PCDHA1: variants seen among roughly 807,000 people sequenced by gnomAD.
PCDHA1 encodes the protein protocadherin alpha 1, also known as protocadherin alpha-1.
A neutral mutation model predicts 61.3 loss-of-function variants in PCDHA1; 42 were observed. That is an observed-to-expected ratio of 0.69 (90% CI 0.54 to 0.89). The LOEUF is 0.89. Among genes scored for constraint, PCDHA1 ranks in the 40% least tolerant of loss-of-function variants. PCDHA1 has a pLI of 0.00. For synonymous variants in PCDHA1, 610 were observed against 553.8 expected (o/e 1.10, Z -1.43); for missense variants, 1,256 against 1,235.3 (o/e 1.02, Z -0.25).
chr5:140,808,150 G>A, intron 1 of PCDHA1: 2 of 1,614,124 alleles, frequency 1.2e-6, no homozygotes, highest in Non-Finnish European at 1.7e-6. Flanking sequence ...TTATTGTAGA[G>A]GGCATTGATA....
chr5:140,788,089 A>T lies in PCDHA1; in HGVS notation c.1799A>T (p.Asp600Val). The stretch of plus-strand genomic sequence containing the variant: ...GCGAAGGTGCGCGCAGTGGACGCCG[A>T]CTCGGGCTACAACGCGTGGCTGTCC... ...VVAKVRAVDADSGYNAWLSYE... is the reference protein window; with the variant it reads ...VVAKVRAVDAVSGYNAWLSYE... The change falls in exon 1 of 4, where the codon GAC (aspartate) becomes GTC (valine). Residue 600 changes from aspartate (D) to valine (V), a missense_variant. Coordinates refer to ENST00000504120, the MANE Select transcript of PCDHA1 (RefSeq NM_018900.4). The T allele has an allele frequency of 6.2e-7, 1 of 1,613,778 alleles. No homozygotes were observed. Among genetic ancestry groups the T allele is most frequent in the Non-Finnish European group, 8.5e-7 (1 of 1,179,872 alleles).
chr5:140,937,869 G>C (rs1268422806), intron 1 of PCDHA1, among the ~76,000 whole-genome samples: 1 of 150,376 alleles, frequency 6.6e-6, no homozygotes, highest in South Asian at 2.1e-4. Context: ...CCGAGATCGC[G>C]CCACTGCACT....
chr5:140,947,975 A>C lies in PCDHA1; in HGVS notation c.2395-30974A>C, dbSNP rs572156919. ...TTTTACAATTAAGTATGTGCTACTC[A>C]TAGGTTTTTCCCAAATACTTTATTA... On this transcript the variant is annotated intron_variant, in intron 1 of 3. Transcript: ENST00000504120. Among the ~76,000 whole-genome samples the C allele has an allele frequency of 2.7e-5, 4 of 150,726 alleles. No individual in the cohort carries two copies. In the East Asian group the frequency reaches 7.8e-4, roughly 29 times the overall value.
chr5:140,809,352 G>C, intron 1 of PCDHA1: 2 of 1,614,018 alleles, frequency 1.2e-6, no homozygotes, highest in Non-Finnish European at 1.7e-6. Context: ...ACCGCGCTGC[G>C]GTGCTCTGCG....
intron 1 of PCDHA1, among the ~76,000 whole-genome samples, chr5:140,826,241 T>C (rs958846502): frequency 1.3e-5 from 2 of 152,242 alleles, no homozygotes; most frequent in Non-Finnish European, 2.9e-5. Context: ...ACTATTTATA[T>C]ATCTCTTTAT....
chr5:140,918,786 A>T (rs2078853629), intron 1 of PCDHA1, among the ~76,000 whole-genome samples: 1 of 147,002 alleles, frequency 6.8e-6, no homozygotes, highest in African/African-American at 2.6e-5. Context: ...ATGTGAGGAC[A>T]CAGCAAAAAT....
chr5:140,843,859 T>C lies in PCDHA1; in HGVS notation c.2394+55175T>C, dbSNP rs1779121343. ...GTTTTTAGAAACCTTTTATAATTAA[T>C]TGAATTTTCTCAGTGGCATAATACA... On this transcript the variant is annotated intron_variant, in intron 1 of 3. Coordinates refer to ENST00000504120, the MANE Select transcript of PCDHA1 (RefSeq NM_018900.4). 13 of 919,578 alleles carry C rather than the reference T, an allele frequency of 1.4e-5. No individual in the cohort carries two copies. The East Asian group carries it at 3.1e-4, about 22-fold the overall frequency. The allele number at this position is 919,578 out of a possible 1,614,324, so 57.0% of individuals were successfully genotyped here. A position where few individuals can be genotyped will look rare whatever the true frequency, so the allele number is the denominator to read the frequency against.
chr5:140,986,195 A>C (rs1200850544), intron 3 of PCDHA1, among the ~76,000 whole-genome samples: 1 of 152,196 alleles, frequency 6.6e-6, no homozygotes, highest in African/African-American at 2.4e-5. Context: ...TAAATTGGTT[A>C]ATCCTGATTA....
intron 1 of PCDHA1, among the ~76,000 whole-genome samples, chr5:140,932,539 AT>A (rs782246299): frequency 3.3e-5 from 5 of 152,008 alleles, no homozygotes; most frequent in Admixed American, 2.0e-4. Context: ...AAGGTGCTTT[AT>A]TTAACATACA....
At chr5:140,820,515 G>A (rs2150107166) in intron 1 of PCDHA1, among the ~76,000 whole-genome samples, 23 of 151,938 alleles carry the variant, frequency 1.5e-4, no homozygotes, top group African/African-American at 5.6e-4. Flanking sequence ...ATATATACAA[G>A]CAGAATGTTA....
At chr5:140,967,150 C>G (rs1400431511) in intron 1 of PCDHA1, 1 of 1,610,886 alleles carries the variant, frequency 6.2e-7, no homozygotes, top group African/African-American at 1.3e-5. Context: ...CGCACAACCC[C>G]GTGGCGGTGA....
chr5:140,890,344 A>G (rs1482265903), intron 1 of PCDHA1, among the ~76,000 whole-genome samples: 1 of 152,196 alleles, frequency 6.6e-6, no homozygotes, highest in Admixed American at 6.5e-5. Context: ...GGGATGGTTT[A>G]CTATATAGCA....
At position 140,916,114 on chromosome 5, in the gene PCDHA1, G is replaced by A. The variant is rs533496476; in HGVS notation, c.2395-62835G>A. On this transcript the variant is annotated intron_variant, in intron 1 of 3. Transcript: ENST00000504120. ...GGGAATCTGCCTGGCCACTGCTGAT[G>A]TTCACTTAAAGCTTAAGGGCTGTTC... 5.9e-5 allele frequency among the ~76,000 whole-genome samples: 9 copies of A among 152,238 alleles called. No homozygotes were observed. In the East Asian group the frequency reaches 1.7e-3, roughly 29 times the overall value.
chr5:140,825,781 T>C (rs1469171066), intron 1 of PCDHA1: 1 of 152,484 alleles, frequency 6.6e-6, no homozygotes, highest in African/African-American at 2.4e-5. Context: ...AATTCTACTA[T>C]ATTTTGGTTG....
chr5:140,968,709 T>C lies in PCDHA1; in HGVS notation c.2395-10240T>C, dbSNP rs2153773320. ...GGAGAAATTAGGACTACCAGGAAGA[T>C]GGGAGATGAGAGTGGTAGCACTTTC... On this transcript the variant is annotated intron_variant, in intron 1 of 3. Coordinates refer to ENST00000504120, the MANE Select transcript of PCDHA1 (RefSeq NM_018900.4). The C allele has an allele frequency of 1.9e-6, 3 of 1,614,030 alleles. No homozygotes were observed. In the East Asian group the frequency reaches 6.7e-5, roughly 36 times the overall value.
intron 1 of PCDHA1, chr5:140,841,151 T>C (rs1777047208): frequency 1.2e-6 from 1 of 800,306 alleles, no homozygotes; most frequent in Admixed American, 3.0e-5. Flanking sequence ...GATGTCGCTG[T>C]CTACCAAGAA....
intron 3 of PCDHA1, among the ~76,000 whole-genome samples, chr5:140,994,582 G>A (rs1179279862): frequency 6.6e-6 from 1 of 152,062 alleles, no homozygotes; most frequent in Non-Finnish European, 1.5e-5. Context: ...GCATGCACTT[G>A]TAGTCTCAGC....
At chr5:140,991,843 T>G (rs2097475576) in intron 3 of PCDHA1, among the ~76,000 whole-genome samples, 1 of 152,194 alleles carries the variant, frequency 6.6e-6, no homozygotes, top group Admixed American at 6.6e-5. Context: ...GAACCGCACT[T>G]CCAGATACCA....
chr5:140,825,497 A>G (rs1554130262), intron 1 of PCDHA1: 1 of 150,846 alleles, frequency 6.6e-6, no homozygotes, highest in East Asian at 1.9e-4. Context: ...AACGAGTGCA[A>G]TGGTACAATC....
Sources: gnomAD v4.1 joint callset for allele counts (sites outside exome capture counted in the v4.1 genomes callset) on GRCh38, gnomAD v4.1.1 for gene constraint, MANE v1.5 for transcripts, NCBI Gene and HGNC (gene_info 2026-07-23, HGNC 2026-07-21) for gene names.